SPAG17: variants seen among roughly 807,000 people sequenced by gnomAD.
SPAG17 encodes sperm-associated antigen 17.
In SPAG17, 169 loss-of-function variants were observed where a neutral mutation model predicts 273.6. That is an observed-to-expected ratio of 0.62 (90% CI 0.55 to 0.70). SPAG17 has a LOEUF of 0.70. SPAG17 is among the 30% of genes least tolerant of loss of function. SPAG17 has a pLI of 0.00. For synonymous variants in SPAG17, 825 were observed against 873.2 expected, an observed-to-expected ratio of 0.94 and a Z score of 0.97; for missense variants, 2,557 against 2,627.8, an observed-to-expected ratio of 0.97 and a Z score of 0.59.
chr1:118,112,101 T>A (rs1311883654), intron 4 of SPAG17, among the ~76,000 whole-genome samples: 3 of 152,122 alleles, frequency 2.0e-5, no homozygotes, highest in African/African-American at 7.2e-5. Flanking sequence ...TGACTTTTTG[T>A]ATCGAAGCTT....
intron 1 of SPAG17, among the ~76,000 whole-genome samples, chr1:118,155,172 T>G (rs937540855): frequency 2.0e-5 from 3 of 152,140 alleles, no homozygotes; most frequent in African/African-American, 7.2e-5. Flanking sequence ...TTATTTACTT[T>G]ACCAGTCTCA....
chr1:118,101,256 T>C (rs1291213391), intron 5 of SPAG17, among the ~76,000 whole-genome samples: 1 of 152,064 alleles, frequency 6.6e-6, no homozygotes, highest in African/African-American at 2.4e-5. Context: ...CTCTACAAAA[T>C]AAATTAATAA....
chr1:118,007,038 C>T (rs941332935), intron 31 of SPAG17, among the ~76,000 whole-genome samples: 1 of 151,928 alleles, frequency 6.6e-6, no homozygotes, highest in Non-Finnish European at 1.5e-5. Flanking sequence ...TTTCAAATAA[C>T]ATCTTCTATT....
intron 43 of SPAG17, among the ~76,000 whole-genome samples, chr1:117,976,095 C>T (rs865830715): frequency 3.9e-5 from 6 of 152,076 alleles, no homozygotes; most frequent in African/African-American, 1.2e-4. Flanking sequence ...ACAAGGAGCC[C>T]GGATGTGAAC....
At chr1:118,092,403 A>G (rs1655436215) in intron 8 of SPAG17, among the ~76,000 whole-genome samples, 1 of 152,138 alleles carries the variant, frequency 6.6e-6, no homozygotes, top group African/African-American at 2.4e-5. Flanking sequence ...GAGATTCATG[A>G]CCTGGCTCCT....
At chr1:118,168,166 A>T (rs1233411998) in intron 1 of SPAG17, among the ~76,000 whole-genome samples, 2 of 152,158 alleles carry the variant, frequency 1.3e-5, no homozygotes, top group African/African-American at 4.8e-5. Context: ...TGAATTGAGG[A>T]ATTGATTATG....
intron 28 of SPAG17, 71 bp from the exon 29 acceptor site, chr1:118,016,253 GT>G: frequency 1.6e-6 from 2 of 1,233,618 alleles, no homozygotes; most frequent in South Asian, 2.7e-5. Context: ...CATTCACTAT[GT>G]TTTGACACAG....
chr1:118,032,809 G>C (rs545613240), intron 24 of SPAG17, among the ~76,000 whole-genome samples: 58 of 152,084 alleles, frequency 3.8e-4, no homozygotes, highest in African/African-American at 1.3e-3. Context: ...GACCAAGCTG[G>C]TCTCGAACTC....
At chr1:118,151,130 A>C in intron 2 of SPAG17, 99 bp downstream of exon 2, 2 of 1,086,142 alleles carry the variant, frequency 1.8e-6, no homozygotes, top group Non-Finnish European at 2.4e-6. Flanking sequence ...CAAAATTTAC[A>C]AAACAGCCCA....
At chr1:118,066,527 C>T (rs1235444285) in intron 18 of SPAG17, among the ~76,000 whole-genome samples, 1 of 152,156 alleles carries the variant, frequency 6.6e-6, no homozygotes, top group African/African-American at 2.4e-5. Flanking sequence ...AGAATGACAC[C>T]TGTTTTCTTT....
intron 18 of SPAG17, among the ~76,000 whole-genome samples, chr1:118,057,340 T>G (rs1300563178): frequency 2.0e-4 from 30 of 152,178 alleles, no homozygotes; most frequent in Admixed American, 2.0e-3. Flanking sequence ...CTGGTTTCCC[T>G]GCTCCTACCC....
At chr1:118,067,005 T>C in intron 17 of SPAG17, 106 bp from the exon 18 acceptor site, 1 of 1,000,664 alleles carries the variant, frequency 1.0e-6, no homozygotes, top group Non-Finnish European at 1.4e-6. Flanking sequence ...CATTCACCTC[T>C]ACATTGTTAG....
intron 48 of SPAG17, chr1:117,957,052 A>AT (rs752771059): frequency 6.5e-7 from 1 of 1,546,818 alleles, no homozygotes; most frequent in Non-Finnish European, 8.7e-7. Context: ...TTTTATATTT[A>AT]TTTTTTCTTT....
intron 24 of SPAG17, among the ~76,000 whole-genome samples, chr1:118,033,659 C>T (rs1648742193): frequency 6.6e-6 from 1 of 152,232 alleles, no homozygotes. Flanking sequence ...CCACTCACTG[C>T]CTATGTAGGG....
Position 118,093,335 on chromosome 1 carries a change from A to C in SPAG17, c.1012-18T>G. ...AATTTCAGCTACAAGTGAGAGATTT[A>C]ATGGCAATTGGTTACTAGTTTTACA... is the stretch of plus-strand genomic sequence containing the variant. On this transcript the variant is annotated intron_variant, in intron 7 of 48. Transcript: ENST00000336338. 1 of 1,591,870 alleles carries C rather than the reference A, an allele frequency of 6.3e-7. No homozygotes were observed. Among genetic ancestry groups the C allele is most frequent in the Non-Finnish European group, 8.6e-7 (1 of 1,167,796 alleles).
In SPAG17 at chr1:118,101,934, GA is replaced by G; in HGVS notation, c.448-9del. ...AGGTTTGTCTTCTATTACCTGGAAT[GA>G]GAGAACACTTTTTTCTCCAAATCAA... On this transcript the variant is annotated splice_polypyrimidine_tract_variant and intron_variant, in intron 4 of 48. Coordinates refer to ENST00000336338, the MANE Select transcript of SPAG17 (RefSeq NM_206996.4). The G allele has an allele frequency of 6.2e-7, 1 of 1,604,450 alleles. No individual in the cohort carries two copies. Among genetic ancestry groups the G allele is most frequent in the Non-Finnish European group, 8.5e-7 (1 of 1,176,754 alleles).
chr1:118,100,199 T>C (rs1655973538), intron 5 of SPAG17, among the ~76,000 whole-genome samples: 1 of 152,200 alleles, frequency 6.6e-6, no homozygotes, highest in Non-Finnish European at 1.5e-5. Context: ...TGGTATTTTA[T>C]AAGTAGAGGT....
At chr1:118,095,467 G>A (rs1243070177) in intron 7 of SPAG17, among the ~76,000 whole-genome samples, 1 of 152,206 alleles carries the variant, frequency 6.6e-6, no homozygotes, top group Non-Finnish European at 1.5e-5. Flanking sequence ...GGATTATAAG[G>A]CTGGGATCTC....
At position 118,006,555 on chromosome 1, in the gene SPAG17, T is replaced by C. The variant is rs1581819; in HGVS notation, c.4588-953A>G. On this transcript the variant is annotated intron_variant, in intron 31 of 48. Transcript: ENST00000336338. Reference sequence around the variant, plus strand: ...TTATTAAAGATGTTGCTGTAAATATTGTGTACAAGTTTTTGTGCAGATGTA... The same window carrying C: ...TTATTAAAGATGTTGCTGTAAATATCGTGTACAAGTTTTTGTGCAGATGTA... Among the ~76,000 whole-genome samples the C allele has an allele frequency of 6.5e-3, 983 of 152,344 alleles. 1 individual carries two copies. The highest frequency in any genetic ancestry group is 0.01 in the Non-Finnish European group (708 of 68,030).
Sources: allele counts gnomAD v4.1 joint callset (sites outside exome capture counted in the v4.1 genomes callset), GRCh38; gene constraint gnomAD v4.1.1; transcripts MANE v1.5; gene names NCBI Gene and HGNC (gene_info 2026-07-23, HGNC 2026-07-21).